The following SUCLA2 variants were observed in gnomAD, a reference collection of about 807,000 sequenced individuals.
SUCLA2 encodes the protein succinate-CoA ligase ADP-forming subunit beta.
Under a neutral mutation model 54.8 loss-of-function variants are expected in SUCLA2, and 30 were observed. The observed-to-expected ratio is 0.55, with a 90% CI of 0.41 to 0.74. SUCLA2 has a LOEUF of 0.74. Among genes scored for constraint, SUCLA2 ranks in the 30% least tolerant of loss-of-function variants. SUCLA2 has a pLI of 0.00. For missense variants in SUCLA2, 476 were observed against 562.9 expected, an observed-to-expected ratio of 0.85 and a Z score of 1.56; for synonymous variants, 172 against 188.9, an observed-to-expected ratio of 0.91 and a Z score of 0.74.
At chr13:47,996,285 T>C (rs2099905548) in intron 2 of SUCLA2, among the ~76,000 whole-genome samples, 2 of 147,372 alleles carry the variant, frequency 1.4e-5, no homozygotes, top group South Asian at 4.3e-4. Context: ...ATTGCACCAT[T>C]GCACTCCAAC....
chr13:47,956,969 T>C (rs1355924246), intron 6 of SUCLA2: 1 of 152,182 alleles, frequency 6.6e-6, no homozygotes, highest in Non-Finnish European at 1.5e-5. Flanking sequence ...AACAGTGAAA[T>C]TGATCTTTCT....
chr13:47,985,886 C>T (rs534095224), intron 4 of SUCLA2, among the ~76,000 whole-genome samples: 1 of 152,256 alleles, frequency 6.6e-6, no homozygotes, highest in Admixed American at 6.5e-5. Flanking sequence ...TCTGCAAAAC[C>T]TCACCAGCAT....
At chr13:47,943,766 G>GTGTA (rs1300486540) in intron 10 of SUCLA2, among the ~76,000 whole-genome samples, 5 of 139,672 alleles carry the variant, frequency 3.6e-5, no homozygotes, top group Non-Finnish European at 7.6e-5. Context: ...GTGTGTGTGT[G>GTGTA]TATATATATA....
At chr13:47,964,437 T>C (rs1949899211) in intron 6 of SUCLA2, among the ~76,000 whole-genome samples, 1 of 152,162 alleles carries the variant, frequency 6.6e-6, no homozygotes, top group South Asian at 2.1e-4. Flanking sequence ...AAATTATACA[T>C]ATACACACAA....
intron 4 of SUCLA2, among the ~76,000 whole-genome samples, chr13:47,984,934 A>C (rs768613918): frequency 1.5e-4 from 11 of 72,246 alleles, no homozygotes; most frequent in Non-Finnish European, 4.4e-4. Context: ...CAGTTGTTTT[A>C]CCAGAAAAAT....
At chr13:47,985,772 C>G (rs1054055638) in intron 4 of SUCLA2, among the ~76,000 whole-genome samples, 1 of 152,118 alleles carries the variant, frequency 6.6e-6, no homozygotes, top group Non-Finnish European at 1.5e-5. Context: ...ATTGCTGGGT[C>G]AAATAGTATT....
At chr13:47,965,494 T>TAAAAAAAAAAAAAAAAAAAAAAAAA (rs35331016) in intron 6 of SUCLA2, 1 of 299,356 alleles carries the variant, frequency 3.3e-6, no homozygotes, top group African/African-American at 2.7e-5. Flanking sequence ...ACCCCTTCTT[T>TAAAAAAAAAAAAAAAAAAAAAAAAA]AAAAAAAAAA....
At chr13:47,949,079 A>C (rs572988112) in intron 9 of SUCLA2, 51 bp from the exon 10 acceptor site, 3 of 1,572,206 alleles carry the variant, frequency 1.9e-6, no homozygotes, top group African/African-American at 2.7e-5. Flanking sequence ...ACACAAAAGC[A>C]TTTTAAAATG....
intron 5 of SUCLA2, among the ~76,000 whole-genome samples, chr13:47,970,066 C>T (rs1043029200): frequency 6.6e-6 from 1 of 151,070 alleles, no homozygotes; most frequent in African/African-American, 2.4e-5. Flanking sequence ...CACACCACTG[C>T]ACTCCTGCCT....
In SUCLA2 at chr13:47,996,900, G is replaced by T. The variant is rs748331417; in HGVS notation, c.214C>A (p.Pro72Thr). The T allele has an allele frequency of 6.2e-7, 1 of 1,613,906 alleles. No homozygotes were observed. Among genetic ancestry groups the T allele is most frequent in the South Asian group, 1.1e-5 (1 of 91,072 alleles). Reference sequence around the variant, plus strand: ...GGTGACTTTGCCACATATCCTTTGGGAACGGAGACACCAGCTTCTTGCAAT... The same window carrying T: ...GGTGACTTTGCCACATATCCTTTGGTAACGGAGACACCAGCTTCTTGCAAT... ...ELLQEAGVSV[P>T]KGYVAKSPDE... The change falls in exon 2 of 11, where the codon CCC (proline) becomes ACC (threonine). Residue 72 changes from proline to threonine, a missense_variant. Physicochemically the swap from Pro to Thr is conservative, Grantham distance 38. This residue lies in a region of SUCLA2 where 134 missense variants were observed against 118.7 expected (regional missense o/e 1.13). Transcript: ENST00000646932.
chr13:47,957,456 C>T (rs1340201794), intron 6 of SUCLA2, among the ~76,000 whole-genome samples: 1 of 152,122 alleles, frequency 6.6e-6, no homozygotes, highest in Non-Finnish European at 1.5e-5. Flanking sequence ...AAGCAGCTGC[C>T]CACCCAGTTT....
At chr13:47,994,781 C>T in intron 2 of SUCLA2, 1 of 978,926 alleles carries the variant, frequency 1.0e-6, no homozygotes, top group Non-Finnish European at 1.2e-6. Context: ...CCAAGGGGCT[C>T]AAAATCAGAG....
At chr13:47,969,116 T>TAATGCCTGC (rs1179328893) in intron 5 of SUCLA2, among the ~76,000 whole-genome samples, 1 of 152,162 alleles carries the variant, frequency 6.6e-6, no homozygotes, top group Non-Finnish European at 1.5e-5. Context: ...CTCACACCTG[T>TAATGCCTGC]AATGCCTGCA....
intron 1 of SUCLA2, among the ~76,000 whole-genome samples, chr13:47,998,595 A>C (rs1013206237): frequency 5.3e-5 from 8 of 152,222 alleles, no homozygotes; most frequent in Non-Finnish European, 1.2e-4. Flanking sequence ...TGGCTCACAC[A>C]TCGATGGATT....
At chr13:47,999,132 T>C (rs78828228) in intron 1 of SUCLA2, among the ~76,000 whole-genome samples, 12,754 of 152,214 alleles carry the variant, frequency 0.084, 722 homozygotes, top group South Asian at 0.18. Flanking sequence ...TGGCACCTAA[T>C]TGGTTAGTTG....
At chr13:47,965,494 TAAAAAAAAAAAAACAAACAAAC>T (rs1319533058) in intron 6 of SUCLA2, 3 of 311,166 alleles carry the variant, frequency 9.6e-6, no homozygotes, top group Middle Eastern at 8.0e-4. Flanking sequence ...ACCCCTTCTT[TAAAAAAAAAAAAACAAACAAAC>T]AAAAAAAAAA....
chr13:47,970,187 T>C (rs563654859), intron 5 of SUCLA2, among the ~76,000 whole-genome samples: 4 of 152,048 alleles, frequency 2.6e-5, no homozygotes, highest in Admixed American at 1.3e-4. Flanking sequence ...AAAGTACCAT[T>C]TTATTATGAA....
intron 8 of SUCLA2, among the ~76,000 whole-genome samples, chr13:47,952,335 C>G (rs1299178891): frequency 6.6e-6 from 1 of 152,070 alleles, no homozygotes; most frequent in Non-Finnish European, 1.5e-5. Flanking sequence ...GGCCAGGTTC[C>G]ATTCTTGGTT....
At chr13:47,997,376 C>T (rs767575972) in intron 1 of SUCLA2, among the ~76,000 whole-genome samples, 1 of 152,200 alleles carries the variant, frequency 6.6e-6, no homozygotes, top group Non-Finnish European at 1.5e-5. Context: ...ATTTTCTTCT[C>T]TCTACCATTC....
Sources: allele counts gnomAD v4.1 joint callset (sites outside exome capture counted in the v4.1 genomes callset), GRCh38; gene constraint gnomAD v4.1.1; regional missense constraint gnomAD v4.1.1; transcripts MANE v1.5; gene names NCBI Gene and HGNC (gene_info 2026-07-23, HGNC 2026-07-21).